Variants in RPL10A observed in about 807,000 individuals in gnomAD.
RPL10A encodes the protein ribosomal protein L10a.
Under a neutral mutation model 24.6 loss-of-function variants are expected in RPL10A, and 11 were observed. The ratio of observed to expected loss-of-function variants is 0.45; its 90% CI spans 0.28 to 0.74. The LOEUF (loss-of-function observed/expected upper bound fraction) is 0.74, where lower values mean the gene tolerates loss of function less well. Among genes scored for constraint, RPL10A ranks in the 30% least tolerant of loss-of-function variants. RPL10A has a pLI of 0.13. For missense variants in RPL10A, 136 were observed against 273.1 expected (o/e 0.50, Z 3.54); for synonymous variants, 98 against 108.5 (o/e 0.90, Z 0.60).
chr6:35,468,654 C>T lies in RPL10A; in HGVS notation c.6-145C>T, dbSNP rs147080513. On this transcript the variant is annotated intron_variant, in intron 1 of 5. Transcript: ENST00000322203. The stretch of plus-strand genomic sequence containing the variant: ...GGGCTTGGGTCTGGGTCTGAGCTCC[C>T]GTCGCTCTACTTGGTGTCCGGAATC... 4.5e-4 allele frequency: 684 copies of T among 1,513,726 alleles called. 14 individuals are homozygous for T. In the East Asian group the frequency reaches 0.016, roughly 36 times the overall value. The allele number at this position is 1,513,726 out of a possible 1,614,324, so 93.8% of individuals were successfully genotyped here.
chr6:35,469,757 C>T (rs1007786013), intron 4 of RPL10A, among the ~76,000 whole-genome samples: 1 of 151,852 alleles, frequency 6.6e-6, no homozygotes, highest in African/African-American at 2.4e-5. Context: ...GTTGACCAGC[C>T]AGGTGCTGGT....
Position 35,470,286 on chromosome 6 carries a change from C to T in RPL10A, c.418C>T (p.His140Tyr). 6.2e-7 allele frequency: 1 copy of T among 1,606,814 alleles called. No homozygotes were observed. The highest frequency in any genetic ancestry group is 1.1e-5 in the South Asian group (1 of 91,074). Reference protein sequence around the residue: ...KAGKFPSLLTHNENMVAKVDE... With the variant: ...KAGKFPSLLTYNENMVAKVDE... ...AGGAAAGTTCCCTTCCCTGCTCACA[C>T]ACAACGAAAACATGGTGGCCAAAGT... Residue 140 changes from histidine (H) to tyrosine (Y), a missense_variant, in exon 5 of 6, where the codon CAC (histidine) becomes TAC (tyrosine). By Grantham distance (83) the His-to-Tyr change is moderately conservative (BLOSUM62 2). Transcript: ENST00000322203. This position sits in a 1 kb window ranked among gnomAD's most constrained non-coding sequence, Gnocchi z 4.6.
Position 35,470,094 on chromosome 6 carries a change from C to T in RPL10A, c.311-85C>T. On this transcript the variant is annotated intron_variant, in intron 4 of 5. Transcript: ENST00000322203. This position sits in a 1 kb window ranked among gnomAD's most constrained non-coding sequence, Gnocchi z 4.6. ...TTGGAGGTCACTTACATGATTGATTCAAGTGCGTTTCTGGCCTGCCACATT... is the reference window on the plus strand; with the variant it reads ...TTGGAGGTCACTTACATGATTGATTTAAGTGCGTTTCTGGCCTGCCACATT... 1 of 1,281,214 alleles carries T rather than the reference C, an allele frequency of 7.8e-7. No individual in the cohort carries two copies. The highest frequency in any genetic ancestry group is 1.4e-5 in the South Asian group (1 of 72,588). The allele number at this position is 1,281,214 out of a possible 1,614,324, so 79.4% of individuals were successfully genotyped here. A position where few individuals can be genotyped will look rare whatever the true frequency, so the allele number is the denominator to read the frequency against.
At chr6:35,469,228 GAGCCCGCCGGCCAGCCTGAGA>G in intron 3 of RPL10A, 132 bp from the exon 4 acceptor site, 1 of 1,481,984 alleles carries the variant, frequency 6.7e-7, no homozygotes, top group Non-Finnish European at 8.9e-7. Context: ...GGCCTCGGCC[GAGCCCGCCGGCCAGCCTGAGA>G]AGCCAGGCTG....
In RPL10A at chr6:35,468,406, CTT is replaced by C. The variant is rs759486935; in HGVS notation, c.-26_-25del. ...GCGCATGCGCAAGACATGCTAGTCT[CTT>C]TTCCGGTTAGCGCGGCGTGAGAAGC... is the stretch of plus-strand genomic sequence containing the variant. On this transcript the variant is annotated 5_prime_UTR_variant, in exon 1 of 6. Transcript: ENST00000322203. 11 of 1,614,062 alleles carry C rather than the reference CTT, an allele frequency of 6.8e-6. No homozygotes were observed. In the South Asian group the frequency reaches 8.8e-5, roughly 13 times the overall value.
At chr6:35,468,502 T>G in intron 1 of RPL10A, 63 bp downstream of exon 1, 1 of 1,611,042 alleles carries the variant, frequency 6.2e-7, no homozygotes, top group Non-Finnish European at 8.5e-7. Flanking sequence ...CGCCGAGGGT[T>G]CGGATCCTGT....
chr6:35,469,799 T>C (rs918122010), intron 4 of RPL10A, among the ~76,000 whole-genome samples: 3 of 152,138 alleles, frequency 2.0e-5, no homozygotes, highest in African/African-American at 7.2e-5. Flanking sequence ...TACGCTGCGT[T>C]GTTTAGGCAG....
chr6:35,469,051 C>G (rs764094129), intron 3 of RPL10A, 24 bp downstream of exon 3: 1 of 1,610,752 alleles, frequency 6.2e-7, no homozygotes, highest in Admixed American at 1.7e-5. Context: ...TGATCCCACC[C>G]AGCCCTCAGT....
chr6:35,468,917 C>T (rs752221285), intron 2 of RPL10A, 30 bp from the exon 3 acceptor site: 18 of 1,613,626 alleles, frequency 1.1e-5, no homozygotes, highest in Non-Finnish European at 1.5e-5. Flanking sequence ...CGAGGGCCGG[C>T]GGGTGCTTAA....
intron 4 of RPL10A, 48 bp downstream of exon 4, chr6:35,469,577 G>A (rs571265825): frequency 2.5e-6 from 4 of 1,576,006 alleles, no homozygotes; most frequent in African/African-American, 2.7e-5. Flanking sequence ...TGGTGGGGGC[G>A]GTAGAAAGGC....
intron 1 of RPL10A, 175 bp from the exon 2 acceptor site, chr6:35,468,624 C>T: frequency 6.6e-7 from 1 of 1,525,522 alleles, no homozygotes; most frequent in Non-Finnish European, 8.8e-7. Context: ...CTCCCTCTTC[C>T]ACCGGGGCTT....
At chr6:35,469,279 G>A in intron 3 of RPL10A, 102 bp from the exon 4 acceptor site, 1 of 1,508,012 alleles carries the variant, frequency 6.6e-7, no homozygotes, top group Non-Finnish European at 8.8e-7. Flanking sequence ...GAATGTGAAC[G>A]CTCCGGGTAA....
At position 35,470,501 on chromosome 6, in the gene RPL10A, C is replaced by T. The variant is rs766532506; in HGVS notation, c.484-79C>T. On this transcript the variant is annotated intron_variant, in intron 5 of 5. Coordinates refer to ENST00000322203, the MANE Select transcript of RPL10A (RefSeq NM_007104.5). The surrounding 1 kb of genome is among the most constrained non-coding windows in gnomAD (Gnocchi z 4.6). ...GGCCCGGGTCCAAGTACCTGCTCAC[C>T]AGGCCACTGGGGGAGGAAGGACAGG... 6.6e-7 allele frequency: 1 copy of T among 1,518,306 alleles called. No individual in the cohort carries two copies. Among genetic ancestry groups the T allele is most frequent in the Non-Finnish European group, 9.0e-7 (1 of 1,108,300 alleles). 94.1% of individuals were successfully genotyped at this position (1,518,306 alleles called of 1,614,324 possible). A position where few individuals can be genotyped will look rare whatever the true frequency, so the allele number is the denominator to read the frequency against.
intron 1 of RPL10A, 146 bp downstream of exon 1, chr6:35,468,585 C>T: frequency 6.4e-7 from 1 of 1,573,168 alleles, no homozygotes; most frequent in East Asian, 2.3e-5. Flanking sequence ...TGCGGGTCGC[C>T]CTTCCTACCA....
Position 35,468,883 on chromosome 6 carries a change from G to C in RPL10A, c.80+10G>C. ...AGCGCAAGCGCCGCAAGTGAGTGCC[G>C]ACCCTGGGGCACGGCGCGGGTGGCG... On this transcript the variant is annotated intron_variant, in intron 2 of 5. Transcript: ENST00000322203. 6.2e-7 allele frequency: 1 copy of C among 1,613,002 alleles called. No individual in the cohort carries two copies. Among genetic ancestry groups the C allele is most frequent in the Non-Finnish European group, 8.5e-7 (1 of 1,179,530 alleles).
intron 4 of RPL10A, 43 bp downstream of exon 4, chr6:35,469,572 G>T: frequency 6.3e-7 from 1 of 1,587,396 alleles, no homozygotes; most frequent in East Asian, 2.3e-5. Flanking sequence ...ATGTGTGGTG[G>T]GGGCGGTAGA....
At position 35,470,284 on chromosome 6, in the gene RPL10A, C is replaced by T; in HGVS notation, c.416C>T (p.Thr139Ile). The change falls in exon 5 of 6, where the codon ACA becomes ATA. Residue 139 changes from threonine to isoleucine, a missense_variant. This residue lies in a region of RPL10A where 48 missense variants were observed against 105.9 expected (regional missense o/e 0.45). Coordinates refer to ENST00000322203, the MANE Select transcript of RPL10A (RefSeq NM_007104.5). This position sits in a 1 kb window ranked among gnomAD's most constrained non-coding sequence, Gnocchi z 4.6. ...NKAGKFPSLL[T>I]HNENMVAKVD... The stretch of plus-strand genomic sequence containing the variant: ...GCAGGAAAGTTCCCTTCCCTGCTCA[C>T]ACACAACGAAAACATGGTGGCCAAA... 1 of 1,607,042 alleles carries T rather than the reference C, an allele frequency of 6.2e-7. No homozygotes were observed. The highest frequency in any genetic ancestry group is 8.5e-7 in the Non-Finnish European group (1 of 1,179,818).
rs887799326 is a variant in RPL10A at position 35,468,432 on chromosome 6, G to C, written c.-3G>C. 6.2e-7 allele frequency: 1 copy of C among 1,614,092 alleles called. No homozygotes were observed. The highest frequency in any genetic ancestry group is 8.5e-7 in the Non-Finnish European group (1 of 1,179,944). ...TTTTCCGGTTAGCGCGGCGTGAGAA[G>C]CCATGAGGTGAGTTGGTCCTGAAAG... is the stretch of plus-strand genomic sequence containing the variant. On this transcript the variant is annotated 5_prime_UTR_variant, in exon 1 of 6. Transcript: ENST00000322203.
Position 35,468,809 on chromosome 6 carries a change from T to C in RPL10A, c.16T>C (p.Ser6Pro), listed in dbSNP as rs774909177. 6 of 1,604,204 alleles carry C rather than the reference T, an allele frequency of 3.7e-6. No homozygotes were observed. In the East Asian group the frequency reaches 1.4e-4, roughly 36 times the overall value. Reference sequence around the variant, plus strand: ...GCTTCTCTCCCGCAGCAGCAAAGTCTCTCGCGACACCCTGTACGAGGCGGT... The same window carrying C: ...GCTTCTCTCCCGCAGCAGCAAAGTCCCTCGCGACACCCTGTACGAGGCGGT... Reference protein sequence around the residue: MSSKVSRDTLYEAVRE... With the variant: MSSKVPRDTLYEAVRE... The change falls in exon 2 of 6, where the codon TCT becomes CCT. Residue 6 changes from serine (S) to proline (P), a missense_variant. Around this residue, in one of 3 missense-constraint regions of RPL10A, gnomAD observed 88 missense variants for 149.2 expected, o/e 0.59. Coordinates refer to ENST00000322203, the MANE Select transcript of RPL10A (RefSeq NM_007104.5).
Sources: gnomAD v4.1 joint callset for allele counts (sites outside exome capture counted in the v4.1 genomes callset) on GRCh38, gnomAD v4.1.1 for gene constraint, gnomAD v4.1.1 regional missense constraint, Gnocchi (gnomAD v3.1) non-coding constraint, MANE v1.5 for transcripts, NCBI Gene and HGNC (gene_info 2026-07-23, HGNC 2026-07-21) for gene names.